Variants in ATG10 observed in about 807,000 individuals in gnomAD.
ATG10 encodes autophagy related 10.
In ATG10, 30 loss-of-function variants were observed where a neutral mutation model predicts 32.1. The observed-to-expected ratio is 0.94, with a 90% CI of 0.70 to 1.27. ATG10 has a LOEUF of 1.27. Ranked by LOEUF, ATG10 falls within the 50% of genes most tolerant of loss-of-function variation. The pLI is 0.00. For missense variants in ATG10, 233 were observed against 262.3 expected, an observed-to-expected ratio of 0.89 and a Z score of 0.77; for synonymous variants, 87 against 91.5, an observed-to-expected ratio of 0.95 and a Z score of 0.28.
chr5:82,073,416 T>C (rs1313755711), intron 3 of ATG10: 2 of 152,188 alleles, frequency 1.3e-5, no homozygotes, highest in Admixed American at 1.3e-4. Flanking sequence ...AACATATGGG[T>C]CTGCCAGGGG....
At chr5:82,006,507 T>G (rs1046572701) in intron 2 of ATG10, among the ~76,000 whole-genome samples, 1 of 152,184 alleles carries the variant, frequency 6.6e-6, no homozygotes, top group Non-Finnish European at 1.5e-5. Flanking sequence ...GCTTTCTTTA[T>G]TTTCCCCATA....
intron 3 of ATG10, among the ~76,000 whole-genome samples, chr5:82,106,972 G>A (rs935444249): frequency 6.6e-6 from 1 of 151,988 alleles, no homozygotes; most frequent in Non-Finnish European, 1.5e-5. Flanking sequence ...AGGAAAATAT[G>A]TTCCAAAAGA....
At chr5:82,024,613 A>G (rs566083047) in intron 2 of ATG10, among the ~76,000 whole-genome samples, 1 of 152,358 alleles carries the variant, frequency 6.6e-6, no homozygotes, top group African/African-American at 2.4e-5. Flanking sequence ...CATTTGGTCT[A>G]GGATAAGATT....
At chr5:82,149,240 C>T (rs753277101) in intron 3 of ATG10, among the ~76,000 whole-genome samples, 8 of 151,720 alleles carry the variant, frequency 5.3e-5, no homozygotes, top group Non-Finnish European at 2.9e-5. Flanking sequence ...TACTAATATA[C>T]CCCGTATTTA....
intron 3 of ATG10, among the ~76,000 whole-genome samples, chr5:82,070,016 A>C (rs1764074293): frequency 6.6e-6 from 1 of 152,212 alleles, no homozygotes; most frequent in South Asian, 2.1e-4. Context: ...GCTCTTAGCA[A>C]GTATAAGTCT....
At chr5:82,250,719 C>T (rs1747224044) in intron 5 of ATG10, among the ~76,000 whole-genome samples, 2 of 152,300 alleles carry the variant, frequency 1.3e-5, no homozygotes, top group South Asian at 4.1e-4. Flanking sequence ...TTGGCTGTCT[C>T]CTGCACTGAA....
chr5:81,977,786 T>C (rs1392817379), intron 1 of ATG10, among the ~76,000 whole-genome samples: 1 of 152,168 alleles, frequency 6.6e-6, no homozygotes, highest in Non-Finnish European at 1.5e-5. Flanking sequence ...AAGTTTGACA[T>C]TCTTTTCTAG....
intron 3 of ATG10, among the ~76,000 whole-genome samples, chr5:82,144,768 A>C (rs1402532477): frequency 6.6e-6 from 1 of 152,054 alleles, no homozygotes; most frequent in East Asian, 1.9e-4. Flanking sequence ...ACTTGAAAAG[A>C]ATTAATATTC....
chr5:82,205,758 A>G (rs1745263482), intron 5 of ATG10, among the ~76,000 whole-genome samples: 1 of 152,226 alleles, frequency 6.6e-6, no homozygotes, highest in Non-Finnish European at 1.5e-5. Context: ...AACAGAAGGC[A>G]TGGAAGCTAC....
chr5:82,093,080 G>C (rs1486450635), intron 3 of ATG10, among the ~76,000 whole-genome samples: 1 of 152,132 alleles, frequency 6.6e-6, no homozygotes, highest in Non-Finnish European at 1.5e-5. Flanking sequence ...AAATACAATA[G>C]CTTTATCACT....
chr5:82,196,746 A>G (rs1412939439), intron 5 of ATG10, among the ~76,000 whole-genome samples: 1 of 152,102 alleles, frequency 6.6e-6, no homozygotes, highest in African/African-American at 2.4e-5. Context: ...CCACTGTTTC[A>G]TATGCCTATC....
At chr5:82,106,081 A>G (rs2149808980) in intron 3 of ATG10, among the ~76,000 whole-genome samples, 1 of 152,256 alleles carries the variant, frequency 6.6e-6, no homozygotes, top group Middle Eastern at 3.4e-3. Context: ...TAATATTACA[A>G]GACTTCATTT....
At chr5:82,071,172 A>G (rs1764120382) in intron 3 of ATG10, among the ~76,000 whole-genome samples, 1 of 152,164 alleles carries the variant, frequency 6.6e-6, no homozygotes, top group African/African-American at 2.4e-5. Flanking sequence ...GAATCCAGAG[A>G]GGAGGCATGG....
At chr5:82,164,164 C>T in intron 3 of ATG10, among the ~76,000 whole-genome samples, 1 of 152,010 alleles carries the variant, frequency 6.6e-6, no homozygotes, top group East Asian at 1.9e-4. Context: ...TATCCAGAGC[C>T]TCTTTGTGTC....
intron 2 of ATG10, among the ~76,000 whole-genome samples, chr5:82,030,410 A>G (rs1171069483): frequency 6.6e-6 from 1 of 152,190 alleles, no homozygotes. Flanking sequence ...GCTACTACCT[A>G]CATTTTGGAC....
intron 3 of ATG10, among the ~76,000 whole-genome samples, chr5:82,106,760 A>G (rs1349189189): frequency 1.3e-5 from 2 of 151,950 alleles, no homozygotes; most frequent in Non-Finnish European, 2.9e-5. Context: ...GTGTATGAAT[A>G]AACATTCCCT....
At chr5:82,169,135 A>C (rs892783933) in intron 4 of ATG10, among the ~76,000 whole-genome samples, 5 of 152,150 alleles carry the variant, frequency 3.3e-5, no homozygotes, top group African/African-American at 1.2e-4. Context: ...TTACGGAAGA[A>C]ATAGTTGAAA....
At chr5:82,178,840 T>C (rs1387707630) in intron 5 of ATG10, among the ~76,000 whole-genome samples, 1 of 152,128 alleles carries the variant, frequency 6.6e-6, no homozygotes, top group Non-Finnish European at 1.5e-5. Context: ...AAATTACATA[T>C]TAGGATGATT....
rs1744727893 is a variant in ATG10 at position 82,193,280 on chromosome 5, T to A, written c.453+14693T>A. ...AGTGTCAGTATTGTACTCAATTTTTTAAACCACTTGTTGGTGAAAGGAGTT... is the reference window on the plus strand; with the variant it reads ...AGTGTCAGTATTGTACTCAATTTTTAAAACCACTTGTTGGTGAAAGGAGTT... On this transcript the variant is annotated intron_variant, in intron 5 of 7. Coordinates refer to ENST00000282185, the MANE Select transcript of ATG10 (RefSeq NM_031482.5). 1.3e-5 allele frequency among the ~76,000 whole-genome samples: 2 copies of A among 152,244 alleles called. 1 individual carries two copies.
Sources: gnomAD v4.1 joint callset for allele counts (sites outside exome capture counted in the v4.1 genomes callset) on GRCh38, gnomAD v4.1.1 for gene constraint, MANE v1.5 for transcripts, NCBI Gene and HGNC (gene_info 2026-07-23, HGNC 2026-07-21) for gene names.